The following GALNT9 variants were observed in gnomAD, a reference collection of about 807,000 sequenced individuals.
The protein encoded by GALNT9 is GalNAc transferase 9.
GALNT9 carries 47 observed loss-of-function variants against 63.1 expected under a neutral mutation model. The ratio of observed to expected loss-of-function variants is 0.75; its 90% CI spans 0.59 to 0.95. The LOEUF (loss-of-function observed/expected upper bound fraction) is 0.95, where lower values mean the gene tolerates loss of function less well. Ranked by LOEUF, GALNT9 falls within the 40% of genes least tolerant of loss-of-function variation. The pLI is 0.00. For synonymous variants in GALNT9, 396 were observed against 365.7 expected (o/e 1.08, Z -0.94); for missense variants, 829 against 874.8 (o/e 0.95, Z 0.66).
chr12:132,308,109 G>A (rs1881682995), intron 1 of GALNT9, among the ~76,000 whole-genome samples: 1 of 152,130 alleles, frequency 6.6e-6, no homozygotes, highest in African/African-American at 2.4e-5. Flanking sequence ...GACAGAAGAG[G>A]AAACAGCTGC....
chr12:132,239,353 G>C (rs1180084450), intron 6 of GALNT9, among the ~76,000 whole-genome samples: 2 of 149,172 alleles, frequency 1.3e-5, no homozygotes, highest in Non-Finnish European at 3.0e-5. Flanking sequence ...GACAGAGTCA[G>C]AGACAGAGAG....
In GALNT9 at chr12:132,252,936, G is replaced by C. The variant is rs1182801328; in HGVS notation, c.959+4753C>G. 6.6e-6 allele frequency among the ~76,000 whole-genome samples: 1 copy of C among 151,942 alleles called. No individual in the cohort carries two copies. Among genetic ancestry groups the C allele is most frequent in the Non-Finnish European group, 1.5e-5 (1 of 67,986 alleles). ...GTGGCCCCGAACGGCTGGGTGCGCT[G>C]ATATTTATTGCATACAGGACGAGGG... On this transcript the variant is annotated intron_variant, in intron 5 of 10. Coordinates refer to ENST00000328957, the MANE Select transcript of GALNT9 (RefSeq NM_001122636.2). This position sits in a 1 kb window ranked among gnomAD's most constrained non-coding sequence, Gnocchi z 5.2.
chr12:132,273,748 G>C (rs566800320), intron 2 of GALNT9: 1 of 152,396 alleles, frequency 6.6e-6, no homozygotes, highest in Non-Finnish European at 1.5e-5. Flanking sequence ...GCAAGATCAC[G>C]GCACCCAGGA....
chr12:132,217,566 TATCCATCCAGCCATCCCCCACTC>T (rs1877260836), intron 6 of GALNT9, among the ~76,000 whole-genome samples: 1 of 132,166 alleles, frequency 7.6e-6, no homozygotes, highest in African/African-American at 3.0e-5. Flanking sequence ...TCTATCCATC[TATCCATCCAGCCATCCCCCACTC>T]ATCCATCCAT....
At chr12:132,235,378 C>G (rs1371483373) in intron 6 of GALNT9, among the ~76,000 whole-genome samples, 1 of 152,022 alleles carries the variant, frequency 6.6e-6, no homozygotes, top group Admixed American at 6.6e-5. Context: ...TGGGGTAGAG[C>G]CAAGATTTGA....
At chr12:132,240,670 T>C (rs1878237595) in intron 6 of GALNT9, 1 of 455,882 alleles carries the variant, frequency 2.2e-6, no homozygotes, top group East Asian at 6.9e-5. Flanking sequence ...CTGCCGTGTT[T>C]TTCTTCCTCT....
intron 1 of GALNT9, among the ~76,000 whole-genome samples, chr12:132,312,370 A>C (rs1388387507): frequency 2.0e-5 from 3 of 152,246 alleles, no homozygotes; most frequent in Non-Finnish European, 4.4e-5. Context: ...GCTCTGGAAC[A>C]ACCCACGGCT....
At position 132,265,068 on chromosome 12, in the gene GALNT9, G is replaced by A. The variant is rs554475895; in HGVS notation, c.420-2443C>T. 2.0e-5 allele frequency among the ~76,000 whole-genome samples: 3 copies of A among 152,316 alleles called. No homozygotes were observed. Among genetic ancestry groups the A allele is most frequent in the South Asian group, 4.1e-4 (2 of 4,824 alleles). Reference sequence around the variant, plus strand: ...CCTGTCGCCCACCTGCTGGCAAATGGAAGACAATGAAGACCAGGATGACTC... The same window carrying A: ...CCTGTCGCCCACCTGCTGGCAAATGAAAGACAATGAAGACCAGGATGACTC... On this transcript the variant is annotated intron_variant, in intron 2 of 10. Transcript: ENST00000328957. This position sits in a 1 kb window ranked among gnomAD's most constrained non-coding sequence, Gnocchi z 5.3.
intron 1 of GALNT9, among the ~76,000 whole-genome samples, chr12:132,308,443 G>A (rs577186763): frequency 4.6e-5 from 7 of 152,286 alleles, no homozygotes; most frequent in South Asian, 2.1e-4. Context: ...GGGTGCTGCC[G>A]CCCATTCTGT....
chr12:132,254,590 G>A (rs1879044570), intron 5 of GALNT9, among the ~76,000 whole-genome samples: 1 of 152,214 alleles, frequency 6.6e-6, no homozygotes, highest in African/African-American at 2.4e-5. Context: ...GCTGATTTCT[G>A]ATGGGGCTCT....
rs782485755 is a variant in GALNT9 at position 132,329,247 on chromosome 12, C to A, written c.-44G>T. 3.3e-6 allele frequency: 5 copies of A among 1,522,040 alleles called. 1 individual carries two copies. In the South Asian group the frequency reaches 6.2e-5, roughly 19 times the overall value. The allele number at this position is 1,522,040 out of a possible 1,614,324, so 94.3% of individuals were successfully genotyped here. Reference sequence around the variant, plus strand: ...GGCCTCACCCGCGGGGCATCCCCAGCATCCCCGCCCGGGCCTGGGCTTCAG... The same window carrying A: ...GGCCTCACCCGCGGGGCATCCCCAGAATCCCCGCCCGGGCCTGGGCTTCAG... On this transcript the variant is annotated 5_prime_UTR_variant, in exon 1 of 11. An upstream start codon of the reference 5' UTR is lost. Coordinates refer to ENST00000328957, the MANE Select transcript of GALNT9 (RefSeq NM_001122636.2).
At chr12:132,300,044 C>T (rs1315137995) in intron 1 of GALNT9, among the ~76,000 whole-genome samples, 2 of 148,726 alleles carry the variant, frequency 1.3e-5, no homozygotes, top group Non-Finnish European at 3.0e-5. Flanking sequence ...TAACCCACTC[C>T]CACCACACCT....
chr12:132,241,451 G>T (rs1241016737), intron 6 of GALNT9, among the ~76,000 whole-genome samples: 2 of 98,294 alleles, frequency 2.0e-5, no homozygotes, highest in African/African-American at 3.9e-5. Flanking sequence ...CCTTCCCGGG[G>T]CCCTCCCTAT....
chr12:132,284,816 C>T (rs1191633973), intron 2 of GALNT9, among the ~76,000 whole-genome samples: 1 of 152,224 alleles, frequency 6.6e-6, no homozygotes, highest in Non-Finnish European at 1.5e-5. Flanking sequence ...GTGGGCCCCA[C>T]CTGGCTAGAA....
chr12:132,203,804 C>G (rs1876415278), intron 6 of GALNT9, 114 bp from the exon 7 acceptor site: 1 of 1,148,048 alleles, frequency 8.7e-7, no homozygotes, highest in African/African-American at 1.6e-5. Flanking sequence ...TGGGGCACCC[C>G]CACCACCGAC....
At chr12:132,311,033 C>T (rs553580567) in intron 1 of GALNT9, among the ~76,000 whole-genome samples, 17 of 152,302 alleles carry the variant, frequency 1.1e-4, no homozygotes, top group South Asian at 2.1e-4. Context: ...GTGAGCCAGA[C>T]CAACCTGCCT....
intron 1 of GALNT9, among the ~76,000 whole-genome samples, chr12:132,305,341 G>A (rs868974626): frequency 4.4e-3 from 34 of 7,676 alleles, no homozygotes; most frequent in Admixed American, 7.0e-3. Context: ...ACCCAGACAC[G>A]CCCTCACCCG....
chr12:132,291,519 A>G (rs1203180877), intron 1 of GALNT9, among the ~76,000 whole-genome samples: 17 of 132,166 alleles, frequency 1.3e-4, no homozygotes, highest in East Asian at 2.4e-4. Flanking sequence ...CACCACCCAC[A>G]TCCACAGCAC....
At chr12:132,302,267 C>CACAG (rs1491396034) in intron 1 of GALNT9, among the ~76,000 whole-genome samples, 5 of 151,312 alleles carry the variant, frequency 3.3e-5, no homozygotes, top group Admixed American at 1.3e-4. Context: ...CACACACACA[C>CACAG]AGGATCACCT....
Sources: allele counts gnomAD v4.1 joint callset (sites outside exome capture counted in the v4.1 genomes callset), GRCh38; gene constraint gnomAD v4.1.1; non-coding constraint Gnocchi (gnomAD v3.1); transcripts MANE v1.5; gene names NCBI Gene and HGNC (gene_info 2026-07-23, HGNC 2026-07-21).